PDZD2: variants seen among roughly 807,000 people sequenced by gnomAD.
PDZD2 encodes the protein PDZ domain-containing protein 2.
A neutral mutation model predicts 220.7 loss-of-function variants in PDZD2; 90 were observed. The observed-to-expected ratio is 0.41, with a 90% CI of 0.34 to 0.49. PDZD2 has a LOEUF of 0.49. Ranked by LOEUF, PDZD2 falls within the 20% of genes least tolerant of loss-of-function variation. PDZD2 has a pLI of 0.28. For synonymous variants in PDZD2, 1,375 were observed against 1,450.5 expected, an observed-to-expected ratio of 0.95 and a Z score of 1.18; for missense variants, 3,174 against 3,608.5, an observed-to-expected ratio of 0.88 and a Z score of 3.08.
At chr5:31,892,173 G>A (rs1254917353) in intron 2 of PDZD2, among the ~76,000 whole-genome samples, 1 of 152,018 alleles carries the variant, frequency 6.6e-6, no homozygotes, top group Non-Finnish European at 1.5e-5. Context: ...GCCTCCCAAA[G>A]TGCTGGGATT....
intron 2 of PDZD2, among the ~76,000 whole-genome samples, chr5:31,921,388 C>T (rs56382492): frequency 0.19 from 28,719 of 149,362 alleles, 3,818 homozygotes; most frequent in African/African-American, 0.38. Flanking sequence ...TAAAAAAAAA[C>T]TTGAAGCTCT....
chr5:31,841,399 G>C (rs1757293936), intron 2 of PDZD2, among the ~76,000 whole-genome samples: 1 of 152,162 alleles, frequency 6.6e-6, no homozygotes, highest in African/African-American at 2.4e-5. Context: ...ACTCAGCCAG[G>C]CATGGTGGCT....
chr5:31,848,042 G>T, intron 2 of PDZD2: 1 of 364,822 alleles, frequency 2.7e-6, no homozygotes, highest in South Asian at 2.7e-5. Context: ...TAAGAAAGAA[G>T]TTGAAAAGCA....
intron 1 of PDZD2, among the ~76,000 whole-genome samples, chr5:31,691,178 G>A (rs13166599): frequency 6.6e-6 from 1 of 151,446 alleles, no homozygotes; most frequent in African/African-American, 2.4e-5. Flanking sequence ...GGTTCGTGGT[G>A]TCGCTGGCTC....
In PDZD2 at chr5:31,817,233, C is replaced by T. The variant is rs560562102; in HGVS notation, c.476+17509C>T. ...ATCCAACCTGGTGTGGTGGCTCACA[C>T]CTGTAATCCCAGCACTTTGGGAGGC... is the stretch of plus-strand genomic sequence containing the variant. On this transcript the variant is annotated intron_variant, in intron 2 of 24. Transcript: ENST00000438447. Among the ~76,000 whole-genome samples, 294 of 147,936 alleles carry T rather than the reference C, an allele frequency of 2.0e-3. 2 individuals carry two copies. The highest frequency in any genetic ancestry group is 3.9e-3 in the Non-Finnish European group (262 of 67,414).
At chr5:31,707,141 C>T (rs56194810) in intron 1 of PDZD2, among the ~76,000 whole-genome samples, 21,869 of 108,708 alleles carry the variant, frequency 0.2, 1,920 homozygotes, top group Middle Eastern at 0.32. Flanking sequence ...CATCACTCAC[C>T]GGGGCCTGTC....
At chr5:31,852,112 C>A (rs544268944) in intron 2 of PDZD2, among the ~76,000 whole-genome samples, 1 of 152,138 alleles carries the variant, frequency 6.6e-6, no homozygotes, top group Non-Finnish European at 1.5e-5. Context: ...GCCTCGGCCT[C>A]CCAAAGTGCT....
intron 1 of PDZD2, among the ~76,000 whole-genome samples, chr5:31,652,462 T>C (rs553055864): frequency 6.6e-6 from 1 of 152,226 alleles, no homozygotes; most frequent in African/African-American, 2.4e-5. Context: ...GAGGTAGTAT[T>C]ATCTTCTCAA....
chr5:31,745,809 ATTT>A (rs59613880), intron 1 of PDZD2, among the ~76,000 whole-genome samples: 20,280 of 143,206 alleles, frequency 0.14, 1,585 homozygotes, highest in East Asian at 0.34. Context: ...CATGTAAATG[ATTT>A]TTTTTTTTTT....
chr5:31,797,554 C>G (rs116367335), intron 1 of PDZD2, among the ~76,000 whole-genome samples: 2,064 of 148,186 alleles, frequency 0.014, 56 homozygotes, highest in African/African-American at 0.05. Flanking sequence ...AGACTGGTCT[C>G]GAACTCCTGA....
At chr5:31,695,008 C>T (rs1246393749) in intron 1 of PDZD2, among the ~76,000 whole-genome samples, 1 of 152,030 alleles carries the variant, frequency 6.6e-6, no homozygotes, top group Non-Finnish European at 1.5e-5. Context: ...CCTATAATCT[C>T]AGCTACTCAG....
intron 1 of PDZD2, among the ~76,000 whole-genome samples, chr5:31,793,528 T>A (rs1313552659): frequency 6.6e-6 from 1 of 152,160 alleles, no homozygotes; most frequent in Non-Finnish European, 1.5e-5. Flanking sequence ...TTATAATGGC[T>A]GGATGCAGTG....
intron 1 of PDZD2, among the ~76,000 whole-genome samples, chr5:31,692,249 GC>G (rs1180384556): frequency 6.6e-6 from 1 of 152,204 alleles, no homozygotes; most frequent in Admixed American, 6.5e-5. Flanking sequence ...GGTGGGGCCG[GC>G]CGGGCGAGTG....
At chr5:31,849,034 G>A (rs1002024488) in intron 2 of PDZD2, among the ~76,000 whole-genome samples, 4 of 152,164 alleles carry the variant, frequency 2.6e-5, no homozygotes, top group Admixed American at 1.3e-4. Flanking sequence ...GGGCGACAGA[G>A]CGAGACTCCA....
At chr5:31,818,251 C>T (rs10039976) in intron 2 of PDZD2, among the ~76,000 whole-genome samples, 5,780 of 152,110 alleles carry the variant, frequency 0.038, 406 homozygotes, top group African/African-American at 0.13. Flanking sequence ...CGATTATAGG[C>T]GTGAGCCACC....
At chr5:31,893,544 T>C (rs977761284) in intron 2 of PDZD2, among the ~76,000 whole-genome samples, 1 of 152,114 alleles carries the variant, frequency 6.6e-6, no homozygotes, top group African/African-American at 2.4e-5. Context: ...CAGTCCAGCC[T>C]GGGTGACAGA....
intron 2 of PDZD2, among the ~76,000 whole-genome samples, chr5:31,849,713 G>A (rs1323055345): frequency 1.3e-5 from 2 of 151,126 alleles, no homozygotes; most frequent in East Asian, 2.0e-4. Flanking sequence ...GTGTGGTGGC[G>A]TGCGCCTGTA....
chr5:31,919,421 A>G (rs575226268), intron 2 of PDZD2, among the ~76,000 whole-genome samples: 1 of 150,916 alleles, frequency 6.6e-6, no homozygotes, highest in East Asian at 2.0e-4. Context: ...ATCTTGGCTC[A>G]CTGCACCCTC....
intron 1 of PDZD2, among the ~76,000 whole-genome samples, chr5:31,716,545 G>GT (rs1294670033): frequency 6.6e-6 from 1 of 152,208 alleles, no homozygotes; most frequent in Non-Finnish European, 1.5e-5. Flanking sequence ...GTTCACACCT[G>GT]TAATGCCAGC....
Sources: allele counts gnomAD v4.1 joint callset (sites outside exome capture counted in the v4.1 genomes callset), GRCh38; gene constraint gnomAD v4.1.1; transcripts MANE v1.5; gene names NCBI Gene and HGNC (gene_info 2026-07-23, HGNC 2026-07-21).